WDFY3: variants seen among roughly 807,000 people sequenced by gnomAD.
WDFY3 encodes WD repeat and FYVE domain containing 3.
A neutral mutation model predicts 409.6 loss-of-function variants in WDFY3; 66 were observed. The ratio of observed to expected loss-of-function variants is 0.16; its 90% CI spans 0.13 to 0.20. The LOEUF (loss-of-function observed/expected upper bound fraction) is 0.20, where lower values mean the gene tolerates loss of function less well. WDFY3 is among the 10% of genes least tolerant of loss of function. The pLI, the probability that WDFY3 is intolerant of heterozygous loss-of-function variation, is 1.00. For synonymous variants in WDFY3, 1,521 were observed against 1,537.1 expected, an observed-to-expected ratio of 0.99 and a Z score of 0.25; for missense variants, 3,031 against 4,298.1, an observed-to-expected ratio of 0.71 and a Z score of 8.24.
Position 84,775,161 on chromosome 4 carries a change from T to C in WDFY3, c.4519-23A>G, listed in dbSNP as rs777730105. ...GACCTATAATAAATAAAAACAGTAG[T>C]ATATTTAAGGTTAAAAAAAATGCCC... On this transcript the variant is annotated intron_variant, in intron 27 of 67. Coordinates refer to ENST00000295888, the MANE Select transcript of WDFY3 (RefSeq NM_014991.6). 7 of 1,605,120 alleles carry C rather than the reference T, an allele frequency of 4.4e-6. No individual in the cohort carries two copies. In the South Asian group the frequency reaches 5.6e-5, roughly 13 times the overall value.
chr4:84,773,030 C>G (rs1047167528), intron 29 of WDFY3, 101 bp from the exon 30 acceptor site: 3 of 887,566 alleles, frequency 3.4e-6, no homozygotes, highest in Non-Finnish European at 4.9e-6. Context: ...AAAACCAAAA[C>G]AGTACTTTTT....
chr4:84,942,771 A>C (rs1025219949), intron 1 of WDFY3, among the ~76,000 whole-genome samples: 2 of 152,162 alleles, frequency 1.3e-5, no homozygotes, highest in African/African-American at 2.4e-5. Context: ...TTGTCTTCTT[A>C]TTATTGAATT....
chr4:84,708,801 A>G, intron 53 of WDFY3, 108 bp downstream of exon 53: 1 of 1,266,498 alleles, frequency 7.9e-7, no homozygotes, highest in East Asian at 2.5e-5. Flanking sequence ...TTAGCCTCCC[A>G]AAGTGCTAGG....
chr4:84,833,983 T>C (rs991516907), intron 7 of WDFY3, among the ~76,000 whole-genome samples: 2 of 152,222 alleles, frequency 1.3e-5, no homozygotes, highest in African/African-American at 4.8e-5. Flanking sequence ...AACTGCTGGA[T>C]ACCAAATGTC....
intron 1 of WDFY3, among the ~76,000 whole-genome samples, chr4:84,952,824 T>G (rs1773778229): frequency 6.6e-6 from 1 of 152,078 alleles, no homozygotes; most frequent in Non-Finnish European, 1.5e-5. Flanking sequence ...AGATCAAACT[T>G]AAAAAGCATA....
chr4:84,930,268 T>C (rs1363115182), intron 2 of WDFY3, among the ~76,000 whole-genome samples: 1 of 152,182 alleles, frequency 6.6e-6, no homozygotes, highest in African/African-American at 2.4e-5. Flanking sequence ...AAGGTCTTTA[T>C]TAAGAAAAAA....
chr4:84,679,821 CATATAT>C (rs370117920), intron 64 of WDFY3, among the ~76,000 whole-genome samples: 1 of 144,062 alleles, frequency 6.9e-6, no homozygotes, highest in Admixed American at 7.0e-5. Flanking sequence ...GGATATTCTT[CATATAT>C]ATATATATAT....
chr4:84,903,928 C>T (rs1341688997), intron 2 of WDFY3, among the ~76,000 whole-genome samples: 2 of 152,056 alleles, frequency 1.3e-5, no homozygotes, highest in South Asian at 2.1e-4. Flanking sequence ...CCTGCCTGCC[C>T]GCCTGCCTGC....
chr4:84,843,845 T>TA (rs1242217463), intron 5 of WDFY3, among the ~76,000 whole-genome samples: 3 of 152,168 alleles, frequency 2.0e-5, no homozygotes, highest in Non-Finnish European at 4.4e-5. Context: ...AAACTTTGGG[T>TA]AAAAAATGCC....
intron 2 of WDFY3, among the ~76,000 whole-genome samples, chr4:84,927,193 GTCA>G (rs1337111558): frequency 6.6e-6 from 1 of 152,114 alleles, no homozygotes; most frequent in African/African-American, 2.4e-5. Context: ...TAAAAATCAT[GTCA>G]TCATATGCTT....
intron 62 of WDFY3, among the ~76,000 whole-genome samples, chr4:84,685,751 A>C (rs1728205104): frequency 6.6e-6 from 1 of 152,252 alleles, no homozygotes. Context: ...TGACTTATTA[A>C]GATATTACAA....
chr4:84,679,854 A>G (rs924039441), intron 64 of WDFY3, among the ~76,000 whole-genome samples: 2 of 151,290 alleles, frequency 1.3e-5, no homozygotes, highest in African/African-American at 4.9e-5. Context: ...ACACACACAC[A>G]CACACACACA....
At chr4:84,732,683 T>A (rs935178458) in intron 44 of WDFY3, among the ~76,000 whole-genome samples, 1 of 152,170 alleles carries the variant, frequency 6.6e-6, no homozygotes, top group African/African-American at 2.4e-5. Context: ...CAGGTTCTTA[T>A]ACGTTGTTAC....
At position 84,808,321 on chromosome 4, in the gene WDFY3, A is replaced by G. The variant is rs1751873100; in HGVS notation, c.2429+13T>C. 6.2e-7 allele frequency: 1 copy of G among 1,607,888 alleles called. No individual in the cohort carries two copies. The highest frequency in any genetic ancestry group is 8.5e-7 in the Non-Finnish European group (1 of 1,174,786). ...ACACAAATAGAGACTGACTTCTCTT[A>G]TATGATCAGTACCTTTTCCTGGACA... is the stretch of plus-strand genomic sequence containing the variant. On this transcript the variant is annotated intron_variant, in intron 15 of 67. Coordinates refer to ENST00000295888, the MANE Select transcript of WDFY3 (RefSeq NM_014991.6).
intron 3 of WDFY3, among the ~76,000 whole-genome samples, chr4:84,880,550 T>C (rs1341886086): frequency 2.7e-5 from 4 of 150,636 alleles, no homozygotes; most frequent in African/African-American, 9.8e-5. Context: ...TCCACTTAGG[T>C]ACATGCCCTA....
chr4:84,939,487 C>A (rs1390891072), intron 1 of WDFY3, among the ~76,000 whole-genome samples: 1 of 152,142 alleles, frequency 6.6e-6, no homozygotes, highest in Non-Finnish European at 1.5e-5. Context: ...CTTGCCCTAC[C>A]TAATATCTAC....
In WDFY3 at chr4:84,801,643, A is replaced by C; in HGVS notation, c.2822+7T>G. The stretch of plus-strand genomic sequence containing the variant: ...TGTGGACTATTTGAGTATGAAAGAG[A>C]ACTTACCTCAACACCATGGGTTCCA... On this transcript the variant is annotated splice_region_variant and intron_variant, in intron 17 of 67. Coordinates refer to ENST00000295888, the MANE Select transcript of WDFY3 (RefSeq NM_014991.6). 2.5e-6 allele frequency: 4 copies of C among 1,603,216 alleles called. No individual in the cohort carries two copies. The highest frequency in any genetic ancestry group is 2.6e-6 in the Non-Finnish European group (3 of 1,173,744).
chr4:84,922,123 C>T (rs1387990822), intron 2 of WDFY3, among the ~76,000 whole-genome samples: 1 of 151,876 alleles, frequency 6.6e-6, no homozygotes, highest in Non-Finnish European at 1.5e-5. Flanking sequence ...GCACCTACAC[C>T]TGTAGATTTT....
At chr4:84,742,129 G>A (rs140928034) in intron 37 of WDFY3, among the ~76,000 whole-genome samples, 55 of 152,304 alleles carry the variant, frequency 3.6e-4, no homozygotes, top group African/African-American at 1.3e-3. Flanking sequence ...AAGCGTTATG[G>A]ATTGAAACTA....
Sources: allele counts gnomAD v4.1 joint callset (sites outside exome capture counted in the v4.1 genomes callset), GRCh38; gene constraint gnomAD v4.1.1; transcripts MANE v1.5; gene names NCBI Gene and HGNC (gene_info 2026-07-23, HGNC 2026-07-21).